ADARB2: variants seen among roughly 807,000 people sequenced by gnomAD.
ADARB2 encodes inactive double-stranded RNA-specific editase B2.
ADARB2 carries 25 observed loss-of-function variants against 62.2 expected under a neutral mutation model. The observed-to-expected ratio is 0.40, with a 90% CI of 0.29 to 0.56. ADARB2 has a LOEUF of 0.56. Ranked by LOEUF, ADARB2 falls within the 20% of genes least tolerant of loss-of-function variation. ADARB2 has a pLI of 0.43. For synonymous variants in ADARB2, 572 were observed against 500.8 expected, an observed-to-expected ratio of 1.14 and a Z score of -1.90; for missense variants, 1,071 against 1,077.4, an observed-to-expected ratio of 0.99 and a Z score of 0.08.
At chr10:1,592,328 A>T (rs1394403198) in intron 1 of ADARB2, among the ~76,000 whole-genome samples, 11 of 144,392 alleles carry the variant, frequency 7.6e-5, no homozygotes, top group African/African-American at 2.8e-4. Context: ...TCCCTCGCCC[A>T]AGCCACCCTC....
In ADARB2 at chr10:1,705,767, G is replaced by T. The variant is rs1009070698; in HGVS notation, c.100+31284C>A. On this transcript the variant is annotated intron_variant, in intron 1 of 9. Coordinates refer to ENST00000381312, the MANE Select transcript of ADARB2 (RefSeq NM_018702.4). ...TATTGTGCTGCTCTGAGGGTTCCAGGGATAGCTGCCGTCCGCCTCTGTGGA... is the reference window on the plus strand; with the variant it reads ...TATTGTGCTGCTCTGAGGGTTCCAGTGATAGCTGCCGTCCGCCTCTGTGGA... 2.0e-5 allele frequency among the ~76,000 whole-genome samples: 3 copies of T among 152,152 alleles called. No homozygotes were observed. In the East Asian group the frequency reaches 5.8e-4, roughly 29 times the overall value.
At chr10:1,254,611 C>G (rs2131785634) in intron 4 of ADARB2, among the ~76,000 whole-genome samples, 1 of 152,192 alleles carries the variant, frequency 6.6e-6, no homozygotes, top group East Asian at 1.9e-4. Context: ...TTCTTATGGT[C>G]AGGTGAATTT....
At chr10:1,655,178 C>T (rs889087856) in intron 1 of ADARB2, among the ~76,000 whole-genome samples, 2 of 152,204 alleles carry the variant, frequency 1.3e-5, no homozygotes, top group Non-Finnish European at 2.9e-5. Context: ...CCTGAGGCCA[C>T]ACCCCTTGGC....
rs1042327980 is a variant in ADARB2, at chr10:1,683,853, G to A, written c.100+53198C>T. Among the ~76,000 whole-genome samples the A allele has an allele frequency of 5.3e-5, 8 of 152,214 alleles. 1 individual carries two copies. The highest frequency in any genetic ancestry group is 4.1e-4 in the South Asian group (2 of 4,824). On this transcript the variant is annotated intron_variant, in intron 1 of 9. Transcript: ENST00000381312. ...ATAAGAAGGCGGTGGGGCTGAGTCC[G>A]AGGCCGGATGTGAGGGGTGGACTCT...
rs1410147222 is a variant in ADARB2 at position 1,271,035 on chromosome 10, T to C, written c.1112A>G (p.Gln371Arg). 3.7e-6 allele frequency: 6 copies of C among 1,614,128 alleles called. No homozygotes were observed. The highest frequency in any genetic ancestry group is 4.2e-6 in the Non-Finnish European group (5 of 1,180,006). Residue 371 changes from glutamine to arginine, a missense_variant, in exon 4 of 10, where the codon CAG (glutamine) becomes CGG (arginine). By Grantham distance (43) the Gln-to-Arg change is conservative. Transcript: ENST00000381312. ...GTCCGTCGTCACCTCGCGGAACTTC[T>C]GTGTGACCAGCTGGGATATGGAGTC... is the stretch of plus-strand genomic sequence containing the variant. ...FADSISQLVTQKFREVTTDLT... is the reference protein window; with the variant it reads ...FADSISQLVTRKFREVTTDLT...
chr10:1,548,165 C>T lies in ADARB2; in HGVS notation c.101-169005G>A, dbSNP rs560619790. Among the ~76,000 whole-genome samples the T allele has an allele frequency of 2.5e-3, 373 of 152,232 alleles. 2 individuals carry two copies. Among genetic ancestry groups the T allele is most frequent in the South Asian group, 5.8e-3 (28 of 4,812 alleles). The stretch of plus-strand genomic sequence containing the variant: ...AACTTTCCCAGCTGAACCTTGGACC[C>T]GGAGGCTCAGGTGAGTTTTCCAGCT... On this transcript the variant is annotated intron_variant, in intron 1 of 9. Transcript: ENST00000381312.
intron 1 of ADARB2, among the ~76,000 whole-genome samples, chr10:1,483,199 G>A (rs73582327): frequency 0.064 from 9,715 of 152,130 alleles, 836 homozygotes; most frequent in African/African-American, 0.2. Flanking sequence ...GATTTAAATT[G>A]CAGATTCAAA....
At chr10:1,706,882 A>G (rs1238614629) in intron 1 of ADARB2, among the ~76,000 whole-genome samples, 1 of 53,486 alleles carries the variant, frequency 1.9e-5, no homozygotes, top group Non-Finnish European at 5.2e-5. Flanking sequence ...AGAGTGGTGA[A>G]CGGCAGGAAG....
At chr10:1,250,244 C>G (rs1467427779) in intron 4 of ADARB2, among the ~76,000 whole-genome samples, 5 of 151,830 alleles carry the variant, frequency 3.3e-5, no homozygotes, top group Non-Finnish European at 5.9e-5. Context: ...ATTGCTATGG[C>G]TTGGGTATGG....
At position 1,284,717 on chromosome 10, in the gene ADARB2, T is replaced by G. The variant is rs117649230; in HGVS notation, c.1078-13648A>C. Among the ~76,000 whole-genome samples the G allele has an allele frequency of 1.1e-3, 161 of 152,338 alleles. No individual in the cohort carries two copies. The East Asian group carries it at 0.028, about 27-fold the overall frequency. ...GAATCTGAGCTGTGGCAGCCTATCT[T>G]CATGGACACTACCTGATGCTCTTTT... is the stretch of plus-strand genomic sequence containing the variant. On this transcript the variant is annotated intron_variant, in intron 3 of 9. Coordinates refer to ENST00000381312, the MANE Select transcript of ADARB2 (RefSeq NM_018702.4).
intron 3 of ADARB2, among the ~76,000 whole-genome samples, chr10:1,296,716 G>C (rs975014441): frequency 6.6e-6 from 1 of 152,232 alleles, no homozygotes; most frequent in African/African-American, 2.4e-5. Flanking sequence ...ACACAATCAA[G>C]TGTGGAAAGG....
At chr10:1,579,106 G>A (rs748055717) in intron 1 of ADARB2, among the ~76,000 whole-genome samples, 2 of 152,194 alleles carry the variant, frequency 1.3e-5, no homozygotes, top group African/African-American at 4.8e-5. Context: ...TTCCAGCTCT[G>A]ATAGGCTGGC....
intron 1 of ADARB2, among the ~76,000 whole-genome samples, chr10:1,673,547 G>A (rs1047068309): frequency 7.0e-4 from 106 of 152,160 alleles, no homozygotes; most frequent in Non-Finnish European, 1.9e-4. Context: ...AAAGAAACAC[G>A]TCGCTTAGAC....
At chr10:1,185,138 G>A in intron 8 of ADARB2, 99 bp from the exon 9 acceptor site, 1 of 1,394,870 alleles carries the variant, frequency 7.2e-7, no homozygotes, top group South Asian at 1.4e-5. Flanking sequence ...TATGTGAGTG[G>A]GAATGGTCCT....
At chr10:1,388,923 T>C (rs191835906) in intron 1 of ADARB2, among the ~76,000 whole-genome samples, 209 of 152,212 alleles carry the variant, frequency 1.4e-3, no homozygotes, top group African/African-American at 4.6e-3. Context: ...GCAGAACAAA[T>C]ACAATGTAGT....
Position 1,460,627 on chromosome 10 carries a change from A to G in ADARB2, c.101-81467T>C, listed in dbSNP as rs1242247766. On this transcript the variant is annotated intron_variant, in intron 1 of 9. Transcript: ENST00000381312. ...TGTGACCTGAGTTTACCTGCGTAGC[A>G]AACCTGCCTGTGACCTGAGTTTACC... Among the ~76,000 whole-genome samples the G allele has an allele frequency of 5.0e-5, 5 of 100,742 alleles. 1 individual carries two copies. Among genetic ancestry groups the G allele is most frequent in the Non-Finnish European group, 7.8e-5 (4 of 51,058 alleles). 66.1% of individuals were successfully genotyped at this position (100,742 alleles called of 152,430 possible).
chr10:1,340,379 ACGCCC>A (rs1832013269), intron 3 of ADARB2, among the ~76,000 whole-genome samples: 1 of 2,594 alleles, frequency 3.9e-4, no homozygotes, highest in Non-Finnish European at 7.3e-4. Context: ...AGAGAACCAC[ACGCCC>A]CACAGTGGCA....
chr10:1,292,260 T>G (rs1472269723), intron 3 of ADARB2: 1 of 152,220 alleles, frequency 6.6e-6, no homozygotes, highest in Non-Finnish European at 1.5e-5. Flanking sequence ...CCACCGCACC[T>G]GGCTAGAATC....
At chr10:1,448,669 G>GT (rs1830999573) in intron 1 of ADARB2, among the ~76,000 whole-genome samples, 1 of 152,164 alleles carries the variant, frequency 6.6e-6, no homozygotes, top group Non-Finnish European at 1.5e-5. Flanking sequence ...AACCTAGAAA[G>GT]ACTGGTTGGG....
Sources: allele counts gnomAD v4.1 joint callset (sites outside exome capture counted in the v4.1 genomes callset), GRCh38; gene constraint gnomAD v4.1.1; transcripts MANE v1.5; gene names NCBI Gene and HGNC (gene_info 2026-07-23, HGNC 2026-07-21).